RYR3: variants seen among roughly 807,000 people sequenced by gnomAD.
RYR3 encodes the protein ryanodine receptor 3, also known as brain ryanodine receptor-calcium release channel.
A neutral mutation model predicts 584.3 loss-of-function variants in RYR3; 207 were observed. That is an observed-to-expected ratio of 0.35 (90% CI 0.32 to 0.40). The LOEUF (loss-of-function observed/expected upper bound fraction) is 0.40. Ranked by LOEUF, RYR3 falls within the 10% of genes least tolerant of loss-of-function variation. RYR3 has a pLI of 1.00. For missense variants in RYR3, 5,616 were observed against 6,089.2 expected (o/e 0.92, Z 2.59); for synonymous variants, 2,416 against 2,248.5 (o/e 1.07, Z -2.11).
chr15:33,764,577 TAAA>T (rs57528153), intron 60 of RYR3, among the ~76,000 whole-genome samples: 1 of 139,616 alleles, frequency 7.2e-6, no homozygotes, highest in Non-Finnish European at 1.6e-5. Context: ...AAACCATAAT[TAAA>T]AAAAAAAAAA....
At chr15:33,380,743 G>A (rs1042693758) in intron 1 of RYR3, among the ~76,000 whole-genome samples, 1 of 152,178 alleles carries the variant, frequency 6.6e-6, no homozygotes, top group Non-Finnish European at 1.5e-5. Flanking sequence ...CAGGACATTC[G>A]TTCAGAGCCC....
chr15:33,434,844 GTCT>G (rs1261074969), intron 1 of RYR3, among the ~76,000 whole-genome samples: 1 of 152,044 alleles, frequency 6.6e-6, no homozygotes, highest in Non-Finnish European at 1.5e-5. Flanking sequence ...TTGAGACAGA[GTCT>G]CGCTCTGTCT....
chr15:33,556,152 G>A (rs1366423720), intron 10 of RYR3, among the ~76,000 whole-genome samples: 2 of 152,246 alleles, frequency 1.3e-5, no homozygotes, highest in East Asian at 3.9e-4. Flanking sequence ...CTACAGTCCT[G>A]TATTGTAAAA....
chr15:33,706,031 C>T (rs1325615345), intron 42 of RYR3, among the ~76,000 whole-genome samples: 1 of 152,180 alleles, frequency 6.6e-6, no homozygotes, highest in Non-Finnish European at 1.5e-5. Context: ...GATAATCAAT[C>T]TTGTTAATCA....
At chr15:33,860,493 T>G (rs1013397210) in intron 100 of RYR3, 102 bp from the exon 101 acceptor site, 1 of 655,646 alleles carries the variant, frequency 1.5e-6, no homozygotes, top group African/African-American at 1.8e-5. Flanking sequence ...CTTTGATAAT[T>G]CACTTTTTTT....
At chr15:33,857,996 G>A in intron 99 of RYR3, 82 bp downstream of exon 99, 1 of 1,567,650 alleles carries the variant, frequency 6.4e-7, no homozygotes, top group Non-Finnish European at 8.7e-7. Context: ...GAAGGGCTGT[G>A]TGGGGGTGCT....
intron 82 of RYR3, chr15:33,825,883 C>T (rs2077355699): frequency 1.9e-6 from 1 of 524,010 alleles, no homozygotes; most frequent in Admixed American, 3.5e-5. Flanking sequence ...CAGGCTCCCA[C>T]CACCACAGCC....
At chr15:33,683,356 A>G (rs1327555126) in intron 38 of RYR3, among the ~76,000 whole-genome samples, 1 of 152,206 alleles carries the variant, frequency 6.6e-6, no homozygotes, top group African/African-American at 2.4e-5. Context: ...GCATTTCTAA[A>G]GATGAACTCA....
At chr15:33,816,996 G>A in intron 75 of RYR3, 38 bp downstream of exon 75, 1 of 1,261,472 alleles carries the variant, frequency 7.9e-7, no homozygotes, top group Non-Finnish European at 1.1e-6. Flanking sequence ...TATGAGTGTG[G>A]ATGAATTTGA....
chr15:33,417,811 G>T (rs2043927751), intron 1 of RYR3, among the ~76,000 whole-genome samples: 1 of 152,122 alleles, frequency 6.6e-6, no homozygotes. Flanking sequence ...TATGATAATG[G>T]CTGTGAGTTC....
Position 33,390,154 on chromosome 15 carries a change from G to A in RYR3, c.51+79058G>A, listed in dbSNP as rs886152771. Among the ~76,000 whole-genome samples the A allele has an allele frequency of 7.9e-5, 12 of 152,174 alleles. No individual in the cohort carries two copies. Among genetic ancestry groups the A allele is most frequent in the African/African-American group, 2.9e-4 (12 of 41,426 alleles). ...GTACTGTTATTCCAAGCAGAGTCTC[G>A]CTGCTGGGAGACAAGAAATGAAATC... On this transcript the variant is annotated intron_variant, in intron 1 of 103. Transcript: ENST00000634891. This position sits in a 1 kb window ranked among gnomAD's most constrained non-coding sequence, Gnocchi z 4.2.
chr15:33,389,354 T>A (rs967724656), intron 1 of RYR3, among the ~76,000 whole-genome samples: 3 of 152,090 alleles, frequency 2.0e-5, no homozygotes, highest in African/African-American at 7.2e-5. Flanking sequence ...GAAATAATAG[T>A]GTAAGTATGT....
intron 16 of RYR3, among the ~76,000 whole-genome samples, chr15:33,600,173 A>G (rs1431347114): frequency 6.6e-6 from 1 of 152,166 alleles, no homozygotes; most frequent in Non-Finnish European, 1.5e-5. Context: ...CTTGTCCCGT[A>G]AATGTGCTTT....
chr15:33,794,376 T>A (rs2075455568), intron 67 of RYR3, among the ~76,000 whole-genome samples: 1 of 146,540 alleles, frequency 6.8e-6, no homozygotes, highest in Admixed American at 6.9e-5. Context: ...ATCTTTTCTT[T>A]CCTTACCTAT....
chr15:33,856,700 C>G (rs1032627295), intron 98 of RYR3: 2 of 155,596 alleles, frequency 1.3e-5, no homozygotes, highest in Admixed American at 6.5e-5. Context: ...CACTCTGCCA[C>G]AAGGCTGAAG....
chr15:33,414,724 C>G (rs562539794), intron 1 of RYR3, among the ~76,000 whole-genome samples: 1 of 152,286 alleles, frequency 6.6e-6, no homozygotes, highest in African/African-American at 2.4e-5. Flanking sequence ...CGCGCCTCAG[C>G]CTCCCAAGTA....
At chr15:33,833,205 G>A (rs2077811970) in intron 86 of RYR3, among the ~76,000 whole-genome samples, 1 of 152,070 alleles carries the variant, frequency 6.6e-6, no homozygotes, top group Non-Finnish European at 1.5e-5. Flanking sequence ...GGAAAGAAGT[G>A]GACAATGTTT....
chr15:33,446,102 C>T (rs1052661203), intron 1 of RYR3, among the ~76,000 whole-genome samples: 1 of 152,126 alleles, frequency 6.6e-6, no homozygotes, highest in Non-Finnish European at 1.5e-5. Flanking sequence ...TTATCCATGG[C>T]GAGGTGCAGA....
chr15:33,476,120 T>C lies in RYR3; in HGVS notation c.171+2582T>C, dbSNP rs963361213. Among the ~76,000 whole-genome samples, 15 of 152,194 alleles carry C rather than the reference T, an allele frequency of 9.9e-5. 1 individual carries two copies. The highest frequency in any genetic ancestry group is 6.5e-4 in the Admixed American group (10 of 15,282). On this transcript the variant is annotated intron_variant, in intron 2 of 103. Coordinates refer to ENST00000634891, the MANE Select transcript of RYR3 (RefSeq NM_001036.6). ...CGGATCAGCCCCTGAACTTACAAAA[T>C]CTTGAGTTTAGAATGAAAGTCTTGG... is the stretch of plus-strand genomic sequence containing the variant.
Sources: allele counts gnomAD v4.1 joint callset (sites outside exome capture counted in the v4.1 genomes callset), GRCh38; gene constraint gnomAD v4.1.1; non-coding constraint Gnocchi (gnomAD v3.1); transcripts MANE v1.5; gene names NCBI Gene and HGNC (gene_info 2026-07-23, HGNC 2026-07-21).